The following VWF variants were observed in gnomAD, a reference collection of about 807,000 sequenced individuals.
The protein encoded by VWF is Factor VIII related antigen.
A neutral mutation model predicts 308.6 loss-of-function variants in VWF; 176 were observed. That is an observed-to-expected ratio of 0.57 (90% CI 0.50 to 0.65). VWF has a LOEUF of 0.65. VWF is among the 30% of genes least tolerant of loss of function. The pLI, the probability that VWF is intolerant of heterozygous loss-of-function variation, is 0.00. For missense variants in VWF, 3,146 were observed against 3,648.2 expected, an observed-to-expected ratio of 0.86 and a Z score of 3.55; for synonymous variants, 1,385 against 1,443.4, an observed-to-expected ratio of 0.96 and a Z score of 0.92.
At chr12:6,037,910 G>A (rs561863342) in intron 18 of VWF, among the ~76,000 whole-genome samples, 8 of 152,308 alleles carry the variant, frequency 5.3e-5, no homozygotes, top group Admixed American at 2.0e-4. Context: ...GTGTTGGGGC[G>A]GTTGGGGGGA....
chr12:6,081,683 C>A (rs1402195636), intron 6 of VWF, among the ~76,000 whole-genome samples: 1 of 152,076 alleles, frequency 6.6e-6, no homozygotes, highest in Non-Finnish European at 1.5e-5. Flanking sequence ...GCCTAGGACT[C>A]CCAAGATCCT....
chr12:5,984,871 T>A (rs1023875142), intron 40 of VWF, among the ~76,000 whole-genome samples, 174 bp downstream of exon 40: 3 of 152,244 alleles, frequency 2.0e-5, no homozygotes, highest in Non-Finnish European at 4.4e-5. Flanking sequence ...AGGAAGCAAA[T>A]CCTATTCTCC....
Position 6,025,913 on chromosome 12 carries a change from G to A in VWF, c.3101C>T (p.Thr1034Ile). The A allele has an allele frequency of 1.2e-6, 2 of 1,611,068 alleles. No individual in the cohort carries two copies. The highest frequency in any genetic ancestry group is 1.7e-6 in the Non-Finnish European group (2 of 1,179,588). ...ACAGAGACCCAGACGTACTTTTCTG[G>A]TGTCAGCACACTGCGAGCTCACTTT... The part of the protein sequence containing the change: ...SWKVSSQCAD[T>I]RKVPLDSSPA... Residue 1034 changes from threonine (T) to isoleucine (I), a missense_variant, in exon 23 of 52, where the codon ACC becomes ATC. Physicochemically the swap from Thr to Ile is moderately conservative, Grantham distance 89. Around this residue, in one of 3 missense-constraint regions of VWF, gnomAD observed 853 missense variants for 1,177.8 expected, o/e 0.72. Coordinates refer to ENST00000261405, the MANE Select transcript of VWF (RefSeq NM_000552.5).
intron 38 of VWF, among the ~76,000 whole-genome samples, chr12:5,989,462 T>A (rs1342191533): frequency 6.6e-6 from 1 of 152,256 alleles, no homozygotes; most frequent in African/African-American, 2.4e-5. Context: ...CTGGATATGA[T>A]GTTTGTTTTC....
chr12:6,090,393 T>C (rs1945018757), intron 6 of VWF, among the ~76,000 whole-genome samples: 2 of 152,140 alleles, frequency 1.3e-5, no homozygotes, highest in South Asian at 4.1e-4. Context: ...GGGCACCTTG[T>C]TTTCCTTCTA....
At chr12:5,958,460 G>C (rs1565809046) in intron 47 of VWF, among the ~76,000 whole-genome samples, 4 of 152,194 alleles carry the variant, frequency 2.6e-5, no homozygotes, top group Non-Finnish European at 4.4e-5. Context: ...AGCCCAGATA[G>C]GAAGATCGCT....
intron 16 of VWF, among the ~76,000 whole-genome samples, chr12:6,050,344 G>A (rs1026491347): frequency 6.6e-6 from 1 of 152,076 alleles, no homozygotes; most frequent in Non-Finnish European, 1.5e-5. Context: ...CCAAGGCCTC[G>A]CTACCTTCTT....
chr12:6,054,586 C>A (rs1470074370), intron 15 of VWF, among the ~76,000 whole-genome samples: 1 of 152,212 alleles, frequency 6.6e-6, no homozygotes, highest in Non-Finnish European at 1.5e-5. Flanking sequence ...ATGCCAGGGG[C>A]TATGCTAGGC....
chr12:5,967,413 G>T, intron 47 of VWF, 73 bp downstream of exon 47: 1 of 1,128,724 alleles, frequency 8.9e-7, no homozygotes, highest in South Asian at 1.2e-5. Context: ...TTTAAAGACC[G>T]CAGTGAGGTC....
In VWF at chr12:6,023,788, C is replaced by T; in HGVS notation, c.3223-1G>A. ...CATCCAGATATGGCTCGGGGTCCAC[C>T]TGCAAAGGCAGCCTCAGGTGGCCCA... On this transcript the variant is annotated splice_acceptor_variant, in intron 24 of 51. Transcript: ENST00000261405. LOFTEE classifies it high-confidence loss of function. 6.2e-7 allele frequency: 1 copy of T among 1,611,564 alleles called. No homozygotes were observed. The highest frequency in any genetic ancestry group is 8.5e-7 in the Non-Finnish European group (1 of 1,179,510).
chr12:5,955,617 T>C (rs1336215560), intron 47 of VWF, among the ~76,000 whole-genome samples: 1 of 152,070 alleles, frequency 6.6e-6, no homozygotes, highest in Non-Finnish European at 1.5e-5. Context: ...CAGTCTATCA[T>C]TGTTGGACAT....
rs2136371230 is a variant in VWF, at chr12:5,981,876, G to C, written c.7197C>G (p.Val2399=). The change falls in exon 42 of 52, where the codon GTC becomes GTG. Residue 2399 remains valine (V), a synonymous_variant. Transcript: ENST00000261405. ...CAAGGGGACAGCTCACTGTGGAGTT[G>C]ACACAGTTGCAGGCACACTCATACT... ...CDEYECACNC[V]NSTVSCPLGY... is the part of the protein sequence containing the mutation. The C allele has an allele frequency of 6.2e-7, 1 of 1,602,916 alleles. No individual in the cohort carries two copies. The highest frequency in any genetic ancestry group is 1.1e-5 in the South Asian group (1 of 90,988).
chr12:6,114,327 C>T (rs751747925), intron 3 of VWF, among the ~76,000 whole-genome samples: 2 of 152,202 alleles, frequency 1.3e-5, no homozygotes, highest in Non-Finnish European at 2.9e-5. Context: ...TCCAAAGATG[C>T]AAAATCACTT....
chr12:6,016,489 G>T lies in VWF; in HGVS notation c.5311+27C>A, dbSNP rs536898428. ...AAATAAGAACCAGAATGCAGCTTCT[G>T]CATCCAGCCTGTGGCACCAACGTTA... On this transcript the variant is annotated intron_variant, in intron 30 of 51. Coordinates refer to ENST00000261405, the MANE Select transcript of VWF (RefSeq NM_000552.5). The T allele has an allele frequency of 2.7e-5, 43 of 1,610,800 alleles. No homozygotes were observed. In the East Asian group the frequency reaches 9.4e-4, roughly 35 times the overall value.
chr12:5,993,664 TAC>T lies in VWF; in HGVS notation c.6598+196_6598+197del, dbSNP rs200279604. On this transcript the variant is annotated intron_variant, in intron 37 of 51. Coordinates refer to ENST00000261405, the MANE Select transcript of VWF (RefSeq NM_000552.5). ...GTGTGTGTGTGTATATATATATATA[TAC>T]ACACACACACATATACATATATGTA... Among the ~76,000 whole-genome samples the T allele has an allele frequency of 2.8e-5, 4 of 144,158 alleles. No homozygotes were observed. The South Asian group carries it at 6.7e-4, about 24-fold the overall frequency. The allele number at this position is 144,158 out of a possible 152,430, so 94.6% of individuals were successfully genotyped here.
chr12:6,015,550 T>A (rs1321583910), intron 31 of VWF, among the ~76,000 whole-genome samples: 1 of 151,924 alleles, frequency 6.6e-6, no homozygotes, highest in East Asian at 1.9e-4. Flanking sequence ...CCAGCTCACA[T>A]CCTGTTGATA....
At position 6,058,118 on chromosome 12, in the gene VWF, G is replaced by C; in HGVS notation, c.1534-74C>G. 6.7e-7 allele frequency: 1 copy of C among 1,497,708 alleles called. No individual in the cohort carries two copies. The highest frequency in any genetic ancestry group is 9.0e-7 in the Non-Finnish European group (1 of 1,108,418). The allele number at this position is 1,497,708 out of a possible 1,614,324, so 92.8% of individuals were successfully genotyped here. On this transcript the variant is annotated intron_variant, in intron 13 of 51. Transcript: ENST00000261405. The surrounding 1 kb of genome is among the most constrained non-coding windows in gnomAD (Gnocchi z 4.9). ...GCATAGTTGTTTAGCTAATGAGATG[G>C]TTTTAATAAAAAAAAAAAAGTTCCC... is the stretch of plus-strand genomic sequence containing the variant.
intron 42 of VWF, among the ~76,000 whole-genome samples, chr12:5,979,000 T>C (rs972775090): frequency 6.6e-6 from 1 of 152,122 alleles, no homozygotes; most frequent in African/African-American, 2.4e-5. Context: ...AGAGCCCCCA[T>C]TTACCCCAGG....
chr12:6,102,050 A>C (rs1173707799), intron 5 of VWF, among the ~76,000 whole-genome samples: 1 of 152,224 alleles, frequency 6.6e-6, no homozygotes, highest in Non-Finnish European at 1.5e-5. Flanking sequence ...AACCAGAAGA[A>C]GGCACAGATT....
Sources: allele counts gnomAD v4.1 joint callset (sites outside exome capture counted in the v4.1 genomes callset), GRCh38; gene constraint gnomAD v4.1.1; regional missense constraint gnomAD v4.1.1; non-coding constraint Gnocchi (gnomAD v3.1); transcripts MANE v1.5; gene names NCBI Gene and HGNC (gene_info 2026-07-23, HGNC 2026-07-21).